Variants in HELZ observed in about 807,000 individuals in gnomAD.
The protein encoded by HELZ is ATP-dependent RNA helicase with zinc finger domain.
A neutral mutation model predicts 218.2 loss-of-function variants in HELZ; 23 were observed. The ratio of observed to expected loss-of-function variants is 0.11; its 90% CI spans 0.08 to 0.15. HELZ has a LOEUF of 0.15. Ranked by LOEUF, HELZ falls within the 10% of genes least tolerant of loss-of-function variation. HELZ has a pLI of 1.00. For synonymous variants in HELZ, 814 were observed against 829.4 expected (o/e 0.98, Z 0.32); for missense variants, 1,813 against 2,353.7 (o/e 0.77, Z 4.75).
intron 27 of HELZ, among the ~76,000 whole-genome samples, chr17:67,119,652 G>A (rs2143817301): frequency 6.6e-6 from 1 of 152,150 alleles, no homozygotes; most frequent in Non-Finnish European, 1.5e-5. Flanking sequence ...AAAAAATACA[G>A]TAATTTTTCC....
chr17:67,227,133 A>G (rs1187489095), intron 3 of HELZ, among the ~76,000 whole-genome samples: 1 of 152,138 alleles, frequency 6.6e-6, no homozygotes, highest in Non-Finnish European at 1.5e-5. Context: ...ATTTTACTAT[A>G]TGCTAATTTT....
intron 5 of HELZ, among the ~76,000 whole-genome samples, chr17:67,214,879 C>T (rs2040555162): frequency 6.6e-6 from 1 of 152,150 alleles, no homozygotes; most frequent in Non-Finnish European, 1.5e-5. Context: ...GGTGCGGTGG[C>T]TCATGCCTGT....
intron 23 of HELZ, among the ~76,000 whole-genome samples, chr17:67,130,915 G>A (rs1356826161): frequency 6.6e-6 from 1 of 152,158 alleles, no homozygotes; most frequent in Non-Finnish European, 1.5e-5. Context: ...ACAGGGTTGT[G>A]CTGTCACTCA....
chr17:67,094,285 C>A (rs2036665231), intron 31 of HELZ, among the ~76,000 whole-genome samples: 1 of 150,226 alleles, frequency 6.7e-6, no homozygotes, highest in Admixed American at 6.6e-5. Context: ...TCATATACTG[C>A]ACCTTGCGCC....
intron 24 of HELZ, among the ~76,000 whole-genome samples, chr17:67,125,478 C>G (rs1020333714): frequency 2.0e-5 from 3 of 151,260 alleles, no homozygotes; most frequent in African/African-American, 7.3e-5. Context: ...GTAGCACACA[C>G]ACTGACAGAA....
At chr17:67,241,317 T>C (rs1451999727) in intron 2 of HELZ, among the ~76,000 whole-genome samples, 3 of 152,230 alleles carry the variant, frequency 2.0e-5, no homozygotes, top group African/African-American at 7.2e-5. Flanking sequence ...TTCTATACAT[T>C]TGAAACAACA....
At chr17:67,089,647 T>TTATATATATATATATATATATATA (rs371659847) in intron 31 of HELZ, among the ~76,000 whole-genome samples, 4 of 54,292 alleles carry the variant, frequency 7.4e-5, no homozygotes, top group Admixed American at 4.9e-4. Context: ...ATTGGAGATT[T>TTATATATATATATATATATATATA]TATATATATA....
chr17:67,105,292 G>A (rs1206693630), intron 31 of HELZ, among the ~76,000 whole-genome samples: 1 of 152,138 alleles, frequency 6.6e-6, no homozygotes. Flanking sequence ...TCCTCAAAAA[G>A]TTAAACATAG....
At chr17:67,179,033 T>C in intron 12 of HELZ, 107 bp from the exon 13 acceptor site, 1 of 690,904 alleles carries the variant, frequency 1.4e-6, no homozygotes, top group Non-Finnish European at 2.3e-6. Context: ...GAATTGTATA[T>C]GCTAGAGCTC....
chr17:67,101,909 G>A (rs1324505387), intron 31 of HELZ, among the ~76,000 whole-genome samples: 1 of 152,156 alleles, frequency 6.6e-6, no homozygotes, highest in African/African-American at 2.4e-5. Flanking sequence ...CAATCTATTG[G>A]CAATTGGGGA....
At chr17:67,223,720 C>A (rs2040813573) in intron 3 of HELZ, among the ~76,000 whole-genome samples, 1 of 152,134 alleles carries the variant, frequency 6.6e-6, no homozygotes, top group South Asian at 2.1e-4. Context: ...CCATTGCACT[C>A]CAGCCTGGGC....
At chr17:67,105,262 C>T (rs901064170) in intron 31 of HELZ, among the ~76,000 whole-genome samples, 1 of 152,112 alleles carries the variant, frequency 6.6e-6, no homozygotes, top group African/African-American at 2.4e-5. Context: ...TATAAATGTG[C>T]AGAGAACACA....
At chr17:67,093,703 C>CT (rs765599211) in intron 31 of HELZ, among the ~76,000 whole-genome samples, 6 of 152,134 alleles carry the variant, frequency 3.9e-5, no homozygotes, top group Admixed American at 2.0e-4. Flanking sequence ...CAAAGTAGAT[C>CT]CTGAATTTAT....
At chr17:67,144,843 TAAAGA>T (rs1246589453) in intron 21 of HELZ, among the ~76,000 whole-genome samples, 1 of 152,162 alleles carries the variant, frequency 6.6e-6, no homozygotes, top group Non-Finnish European at 1.5e-5. Context: ...TTCAAATATT[TAAAGA>T]AAAGTTTACC....
chr17:67,156,663 T>C (rs183111344), intron 17 of HELZ, among the ~76,000 whole-genome samples: 4 of 152,200 alleles, frequency 2.6e-5, no homozygotes, highest in African/African-American at 9.6e-5. Context: ...GCTTCCCTTC[T>C]AACTCTCCAG....
intron 3 of HELZ, among the ~76,000 whole-genome samples, chr17:67,227,303 C>T (rs1034987687): frequency 1.3e-5 from 2 of 151,836 alleles, no homozygotes; most frequent in African/African-American, 4.8e-5. Flanking sequence ...AGCAATTTTC[C>T]TGCCTCAGCC....
At chr17:67,244,699 T>A (rs2041425434) in intron 1 of HELZ, 2 of 983,838 alleles carry the variant, frequency 2.0e-6, no homozygotes, top group Non-Finnish European at 2.4e-6. Flanking sequence ...CCCCACCCGG[T>A]GGAAGTCCGA....
chr17:67,224,852 T>C (rs1489313102), intron 3 of HELZ: 3 of 909,764 alleles, frequency 3.3e-6, no homozygotes, highest in East Asian at 5.9e-5. Flanking sequence ...CGTTATGACA[T>C]GAAACAGAGT....
At chr17:67,082,850 T>G (rs963278846) in intron 32 of HELZ, among the ~76,000 whole-genome samples, 5 of 150,922 alleles carry the variant, frequency 3.3e-5, no homozygotes, top group Admixed American at 6.6e-5. Context: ...TTTAACTGTT[T>G]TTTTTTTTTG....
Sources: allele counts gnomAD v4.1 joint callset (sites outside exome capture counted in the v4.1 genomes callset), GRCh38; gene constraint gnomAD v4.1.1; transcripts MANE v1.5; gene names NCBI Gene and HGNC (gene_info 2026-07-23, HGNC 2026-07-21).